Variants in NTMT1 observed in about 807,000 individuals in gnomAD.
NTMT1 encodes N-terminal RCC1 methyltransferase.
NTMT1 carries 8 observed loss-of-function variants against 17.5 expected under a neutral mutation model. The observed-to-expected ratio is 0.46, with a 90% confidence interval of 0.27 to 0.82. NTMT1 has a LOEUF of 0.82. Ranked by LOEUF, NTMT1 falls within the 40% of genes least tolerant of loss-of-function variation. NTMT1 has a pLI of 0.15. For missense variants in NTMT1, 221 were observed against 303.5 expected, an observed-to-expected ratio of 0.73 and a Z score of 2.02; for synonymous variants, 128 against 126.8, an observed-to-expected ratio of 1.01 and a Z score of -0.06.
rs1830145165 is a variant in NTMT1, at chr9:129,612,593, C to T, written c.-55+3415C>T. On this transcript the variant is annotated intron_variant, in intron 1 of 3. Coordinates refer to the NTMT1 transcript ENST00000372486. ...ATTTTAAAAGATGAGGAAACAAATG[C>T]AAGGTCAAGCACGGTGGCTCTCGCC... is the stretch of plus-strand genomic sequence containing the variant. 1.3e-5 allele frequency: 9 copies of T among 673,612 alleles called. No individual in the cohort carries two copies. The Admixed American group carries it at 2.2e-4, about 17-fold the overall frequency. The allele number at this position is 673,612 out of a possible 1,614,324, so 41.7% of individuals were successfully genotyped here.
upstream of NTMT1, among the ~76,000 whole-genome samples, chr9:129,625,397 C>CA (rs540480938): frequency 5.1e-4 from 77 of 152,002 alleles, no homozygotes; most frequent in African/African-American, 1.8e-3. Flanking sequence ...GGACCAATGG[C>CA]TTTTTTTTCC....
chr9:129,634,188 A>T lies in NTMT1; in HGVS notation c.297A>T (p.Gln99His). ...MVDITEDFLV[Q>H]AKTYLGEEGK... Reference sequence around the variant, plus strand: ...ACATAACGGAGGACTTCCTGGTTCAAGCCAAGACCTACCTGGGGGAGGAGG... The same window carrying T: ...ACATAACGGAGGACTTCCTGGTTCATGCCAAGACCTACCTGGGGGAGGAGG... The change falls in exon 3 of 4, where the codon CAA (glutamine) becomes CAT (histidine). Residue 99 changes from glutamine to histidine, a missense_variant. Coordinates refer to ENST00000372483, the MANE Select transcript of NTMT1 (RefSeq NM_014064.4). 6.2e-7 allele frequency: 1 copy of T among 1,614,182 alleles called. No homozygotes were observed.
In NTMT1 at chr9:129,635,599, A is replaced by G. The variant is rs970837220; in HGVS notation, c.*135A>G. 5 of 1,106,394 alleles carry G rather than the reference A, an allele frequency of 4.5e-6. No homozygotes were observed. Among genetic ancestry groups the G allele is most frequent in the Non-Finnish European group, 6.5e-6 (5 of 774,500 alleles). The allele number at this position is 1,106,394 out of a possible 1,614,324, so 68.5% of individuals were successfully genotyped here. On this transcript the variant is annotated 3_prime_UTR_variant, in exon 4 of 4. Coordinates refer to ENST00000372483, the MANE Select transcript of NTMT1 (RefSeq NM_014064.4). The stretch of plus-strand genomic sequence containing the variant: ...AAATATAGCTGTCTGCCGTCCACTC[A>G]TTATGCGGGCTCTTCTTCAAAAGGC...
In NTMT1 at chr9:129,635,534, A is replaced by AG; in HGVS notation, c.*72dup. 6.5e-7 allele frequency: 1 copy of AG among 1,540,508 alleles called. No homozygotes were observed. The highest frequency in any genetic ancestry group is 1.2e-5 in the South Asian group (1 of 82,126). Reference sequence around the variant, plus strand: ...GGGAGCTGGCAGCTGGGCAAGATCCAGGCGCCACGCTGGCGGTTCGTGAGT... The same window carrying AG: ...GGGAGCTGGCAGCTGGGCAAGATCCAGGGCGCCACGCTGGCGGTTCGTGAGT... On this transcript the variant is annotated 3_prime_UTR_variant, in exon 4 of 4. Coordinates refer to ENST00000372483, the MANE Select transcript of NTMT1 (RefSeq NM_014064.4).
intron 1 of NTMT1, among the ~76,000 whole-genome samples, chr9:129,612,800 A>G (rs1192732804): frequency 6.6e-6 from 1 of 152,180 alleles, no homozygotes; most frequent in Non-Finnish European, 1.5e-5. Context: ...ACTGCACTCC[A>G]GCCTGGGCGA....
chr9:129,622,820 G>A (rs1830773704), upstream of NTMT1, among the ~76,000 whole-genome samples: 1 of 151,994 alleles, frequency 6.6e-6, no homozygotes, highest in African/African-American at 2.4e-5. Flanking sequence ...CTGAGCTCAG[G>A]AGTTCGCAAT....
At chr9:129,631,196 T>G (rs1270168031) in intron 1 of NTMT1, among the ~76,000 whole-genome samples, 2 of 152,230 alleles carry the variant, frequency 1.3e-5, no homozygotes, top group African/African-American at 2.4e-5. Flanking sequence ...TGGGAGGAGA[T>G]TCCTCTGCCC....
intron 1 of NTMT1, among the ~76,000 whole-genome samples, chr9:129,628,986 C>T (rs775428000): frequency 4.6e-5 from 7 of 152,248 alleles, no homozygotes; most frequent in South Asian, 2.1e-4. Flanking sequence ...AGTAGTAGTT[C>T]GTTTTTTAAC....
intron 1 of NTMT1, among the ~76,000 whole-genome samples, chr9:129,611,394 G>A (rs191145576): frequency 3.1e-4 from 47 of 152,302 alleles, no homozygotes; most frequent in Admixed American, 2.9e-3. Context: ...CTGCCACCTT[G>A]TCTTTCGCCA....
chr9:129,629,041 G>C (rs1401936094), intron 1 of NTMT1, among the ~76,000 whole-genome samples: 1 of 151,798 alleles, frequency 6.6e-6, no homozygotes, highest in African/African-American at 2.4e-5. Context: ...TTTGTTTTTT[G>C]AGACAGGGTC....
intron 1 of NTMT1, among the ~76,000 whole-genome samples, chr9:129,627,140 A>C (rs4837394): frequency 6.6e-6 from 1 of 152,192 alleles, no homozygotes; most frequent in Non-Finnish European, 1.5e-5. Context: ...GTTTTTCTCT[A>C]TGTAAACTGA....
At position 129,628,670 on chromosome 9, in the gene NTMT1, C is replaced by G. The variant is rs541235899; in HGVS notation, c.-55+2375C>G. The G allele has an allele frequency of 3.2e-4, 49 of 152,400 alleles. 1 individual carries two copies. Among genetic ancestry groups the G allele is most frequent in the African/African-American group, 1.1e-3 (47 of 41,586 alleles). 9.4% of individuals were successfully genotyped at this position (152,400 alleles called of 1,614,324 possible). A position where few individuals can be genotyped will look rare whatever the true frequency, so the allele number is the denominator to read the frequency against. Reference sequence around the variant, plus strand: ...GGTGTACAAGGTAATGTCTCTACCCCCAGGAAGCTGCATGCTGGGAGAGGA... The same window carrying G: ...GGTGTACAAGGTAATGTCTCTACCCGCAGGAAGCTGCATGCTGGGAGAGGA... On this transcript the variant is annotated intron_variant, in intron 1 of 3. Coordinates refer to ENST00000372483, the MANE Select transcript of NTMT1 (RefSeq NM_014064.4).
chr9:129,620,524 C>A lies in NTMT1; in HGVS notation c.-55+11346C>A. On this transcript the variant is annotated intron_variant, in intron 1 of 3. Coordinates refer to the NTMT1 transcript ENST00000372486. The surrounding 1 kb of genome is among the most constrained non-coding windows in gnomAD (Gnocchi z 5.8). Reference sequence around the variant, plus strand: ...GTCGGAAGTCTCCGTCGCCAGGGAGCCCCTTGGGCGCCAGGTCCTGGGCCC... The same window carrying A: ...GTCGGAAGTCTCCGTCGCCAGGGAGACCCTTGGGCGCCAGGTCCTGGGCCC... 1.4e-6 allele frequency: 2 copies of A among 1,445,048 alleles called. No homozygotes were observed. The highest frequency in any genetic ancestry group is 5.5e-5 in the East Asian group (2 of 36,044). The allele number at this position is 1,445,048 out of a possible 1,614,324, so 89.5% of individuals were successfully genotyped here.
chr9:129,615,505 AGCGGAGCGTTGTGTCCT>A, intron 1 of NTMT1: 1 of 1,604,206 alleles, frequency 6.2e-7, no homozygotes, highest in Non-Finnish European at 8.5e-7. Context: ...CGCTCCCAGT[AGCGGAGCGTTGTGTCCT>A]GCAGGGTCTC....
At chr9:129,623,432 G>A (rs1201640140), upstream of NTMT1, among the ~76,000 whole-genome samples, 1 of 152,160 alleles carries the variant, frequency 6.6e-6, no homozygotes, top group Non-Finnish European at 1.5e-5. Flanking sequence ...TGATCCTGGA[G>A]AAGTGTCTTC....
At chr9:129,626,568 C>T (rs1172072420) in intron 1 of NTMT1, 1 of 152,500 alleles carries the variant, frequency 6.6e-6, no homozygotes, top group Non-Finnish European at 1.5e-5. Context: ...CCCCGGTCCC[C>T]AGACCGCAGC....
intron 1 of NTMT1, chr9:129,612,991 C>G: frequency 7.3e-7 from 1 of 1,362,352 alleles, no homozygotes; most frequent in South Asian, 1.3e-5. Context: ...TGACTTGGCT[C>G]TCAGGGAGGG....
At position 129,615,773 on chromosome 9, in the gene NTMT1, G is replaced by A. The variant is rs112168737; in HGVS notation, c.-55+6595G>A. ...ACACTGGTCTTGAAGAATGGATAACGCCAATCACAGCAGCCGGCCTTAACG... is the reference window on the plus strand; with the variant it reads ...ACACTGGTCTTGAAGAATGGATAACACCAATCACAGCAGCCGGCCTTAACG... On this transcript the variant is annotated intron_variant, in intron 1 of 3. Coordinates refer to the NTMT1 transcript ENST00000372486. 342 of 1,050,106 alleles carry A rather than the reference G, an allele frequency of 3.3e-4. 3 individuals are homozygous for A. The African/African-American group carries it at 4.8e-3, about 15-fold the overall frequency. The allele number at this position is 1,050,106 out of a possible 1,614,324, so 65.0% of individuals were successfully genotyped here.
chr9:129,612,465 A>G, intron 1 of NTMT1: 1 of 1,606,948 alleles, frequency 6.2e-7, no homozygotes, highest in African/African-American at 1.4e-5. Flanking sequence ...CTAGAGTGAG[A>G]CAGAGGACCA....
Sources: gnomAD v4.1 joint callset for allele counts (sites outside exome capture counted in the v4.1 genomes callset) on GRCh38, gnomAD v4.1.1 for gene constraint, Gnocchi (gnomAD v3.1) non-coding constraint, MANE v1.5 for transcripts, NCBI Gene and HGNC (gene_info 2026-07-23, HGNC 2026-07-21) for gene names.